IL3RA: variants seen among roughly 807,000 people sequenced by gnomAD.
The protein encoded by IL3RA is interleukin 3 receptor subunit alpha.
A neutral mutation model predicts 52.3 loss-of-function variants in IL3RA; 73 were observed. The observed-to-expected ratio is 1.40, with a 90% CI of 1.16 to 1.70. The LOEUF is 1.70. Among genes scored for constraint, IL3RA ranks in the 40% most tolerant of loss-of-function variants. The probability of loss-of-function intolerance (pLI) is 0.00; values close to 1 mark genes in which losing one functional copy is unlikely to be tolerated. For synonymous variants in IL3RA, 260 were observed against 194.0 expected (o/e 1.34, Z -2.83); for missense variants, 664 against 504.4 (o/e 1.32, Z -3.03).
At chrX:1,363,628 G>A (rs1176241928) in intron 8 of IL3RA, among the ~76,000 whole-genome samples, 1 of 151,200 alleles carries the variant, frequency 6.6e-6, no homozygotes. Context: ...GGAGCTGGGG[G>A]CTAAGACTGC....
At chrX:1,381,887 G>C (rs1202339647) in intron 11 of IL3RA, among the ~76,000 whole-genome samples, 1 of 151,854 alleles carries the variant, frequency 6.6e-6, no homozygotes, top group Non-Finnish European at 1.5e-5. Context: ...CTAAGAGAAA[G>C]GAAGGGCAGA....
At chrX:1,367,248 C>A (rs866002078) in intron 9 of IL3RA, among the ~76,000 whole-genome samples, 7 of 23,118 alleles carry the variant, frequency 3.0e-4, no homozygotes, top group South Asian at 2.1e-3. Flanking sequence ...GCGCGGGGTG[C>A]GCCGGGTGCG....
chrX:1,340,829 A>G (rs1250903906), intron 1 of IL3RA, among the ~76,000 whole-genome samples: 1 of 151,972 alleles, frequency 6.6e-6, no homozygotes, highest in African/African-American at 2.4e-5. Context: ...AAAAATACAA[A>G]AAGTGGGCTG....
At chrX:1,348,295 G>A (rs1470967712) in intron 3 of IL3RA, 136 bp from the exon 4 acceptor site, 12 of 710,544 alleles carry the variant, frequency 1.7e-5, no homozygotes, top group Non-Finnish European at 2.8e-5. Context: ...AGAGGCTGCA[G>A]TGAGCCGAGA....
intron 7 of IL3RA, among the ~76,000 whole-genome samples, chrX:1,356,642 C>T (rs1405962769): frequency 2.6e-5 from 4 of 151,854 alleles, no homozygotes; most frequent in Non-Finnish European, 5.9e-5. Context: ...CGTGGTGGCA[C>T]GGTCTTGTAG....
intron 8 of IL3RA, among the ~76,000 whole-genome samples, chrX:1,361,700 T>C (rs747806156): frequency 3.3e-4 from 47 of 143,230 alleles, no homozygotes; most frequent in South Asian, 6.6e-4. Flanking sequence ...TTGCAGTGAG[T>C]TGAGATCGCG....
chrX:1,361,912 G>A (rs1354942473), intron 8 of IL3RA, among the ~76,000 whole-genome samples: 3 of 151,886 alleles, frequency 2.0e-5, no homozygotes, highest in African/African-American at 4.8e-5. Context: ...CACAACACGT[G>A]GGAGTTATAA....
At chrX:1,380,373 C>G (rs2149225300) in intron 10 of IL3RA, among the ~76,000 whole-genome samples, 1 of 101,436 alleles carries the variant, frequency 9.9e-6, no homozygotes, top group African/African-American at 4.1e-5. Flanking sequence ...CACAATCTGT[C>G]AAATGGGTGC....
chrX:1,363,501 T>C (rs1207191458), intron 8 of IL3RA, among the ~76,000 whole-genome samples: 4 of 150,012 alleles, frequency 2.7e-5, no homozygotes, highest in South Asian at 2.1e-4. Flanking sequence ...GGGGTTTCAC[T>C]GTGGTCTCGA....
At chrX:1,367,617 C>A (rs1351442006) in intron 9 of IL3RA, among the ~76,000 whole-genome samples, 1 of 85,336 alleles carries the variant, frequency 1.2e-5, no homozygotes, top group African/African-American at 5.1e-5. Context: ...GAGCGGGGTG[C>A]GCGGGGTGAG....
rs771697619 is a variant in IL3RA, at chrX:1,352,356, A to T, written c.466A>T (p.Thr156Ser). Residue 156 changes from threonine (T) to serine (S), a missense_variant, in exon 6 of 12, where the codon ACG becomes TCG. Transcript: ENST00000331035. ...ACAGTACGAGTGTCTTCACTACAAA[A>T]CGGATGCTCAGGGAACACGTATCGG... Reference protein sequence around the residue: ...RQQYECLHYKTDAQGTRIGCR... With the variant: ...RQQYECLHYKSDAQGTRIGCR... The T allele has an allele frequency of 3.1e-6, 5 of 1,613,634 alleles. No individual in the cohort carries two copies. In the African/African-American group the frequency reaches 5.3e-5, roughly 17 times the overall value.
intron 2 of IL3RA, among the ~76,000 whole-genome samples, chrX:1,342,650 T>C (rs1201421198): frequency 6.7e-6 from 1 of 149,034 alleles, no homozygotes; most frequent in African/African-American, 2.5e-5. Context: ...AACCTCTACC[T>C]GCTGGGTTCA....
At chrX:1,347,452 CA>C (rs1209233045) in intron 3 of IL3RA, among the ~76,000 whole-genome samples, 3 of 150,406 alleles carry the variant, frequency 2.0e-5, no homozygotes, top group African/African-American at 7.4e-5. Flanking sequence ...CTCAAAAAAA[CA>C]AAAACAAAAG....
chrX:1,368,050 G>C (rs1263975106), intron 9 of IL3RA, among the ~76,000 whole-genome samples: 1 of 152,098 alleles, frequency 6.6e-6, no homozygotes, highest in Non-Finnish European at 1.5e-5. Context: ...ACAAGGTCAG[G>C]AGATCGAGAC....
chrX:1,366,522 G>A (rs866885623), intron 9 of IL3RA, among the ~76,000 whole-genome samples: 1 of 87,568 alleles, frequency 1.1e-5, no homozygotes, highest in East Asian at 4.6e-4. Flanking sequence ...CGCGGGGTGA[G>A]CCCGGTGAGC....
Position 1,356,245 on chromosome X carries a change from C to G in IL3RA, c.641C>G (p.Thr214Ser). 6.2e-7 allele frequency: 1 copy of G among 1,612,670 alleles called. No individual in the cohort carries two copies. Among genetic ancestry groups the G allele is most frequent in the South Asian group, 1.1e-5 (1 of 91,004 alleles). Reference sequence around the variant, plus strand: ...GAGATATTAACTCCACCCAACATGACTGCAAAGTGTAATAAGACACATTCC... The same window carrying G: ...GAGATATTAACTCCACCCAACATGAGTGCAAAGTGTAATAAGACACATTCC... ...QIEILTPPNM[T>S]AKCNKTHSFM... is the part of the protein sequence containing the mutation. Residue 214 changes from threonine (T) to serine (S), a missense_variant, in exon 7 of 12, where the codon ACT (threonine) becomes AGT (serine). Physicochemically the swap from Thr to Ser is moderately conservative, Grantham distance 58 (BLOSUM62 1). Transcript: ENST00000331035.
intron 8 of IL3RA, among the ~76,000 whole-genome samples, chrX:1,360,869 C>A (rs1603446697): frequency 6.6e-6 from 1 of 150,700 alleles, no homozygotes; most frequent in African/African-American, 2.5e-5. Context: ...CTCTCTCTCC[C>A]TTCCCCTCTC....
At chrX:1,368,019 A>G (rs1221273270) in intron 9 of IL3RA, among the ~76,000 whole-genome samples, 1 of 152,060 alleles carries the variant, frequency 6.6e-6, no homozygotes, top group African/African-American at 2.4e-5. Flanking sequence ...GCCTTGTAAT[A>G]AAGACCGAGG....
chrX:1,344,974 A>G (rs1336206087), intron 2 of IL3RA, among the ~76,000 whole-genome samples: 2 of 146,330 alleles, frequency 1.4e-5, no homozygotes, highest in Non-Finnish European at 3.0e-5. Flanking sequence ...CATCCTGGCT[A>G]ACACGGTGAA....
Sources: allele counts gnomAD v4.1 joint callset (sites outside exome capture counted in the v4.1 genomes callset), GRCh38; gene constraint gnomAD v4.1.1; transcripts MANE v1.5; gene names NCBI Gene and HGNC (gene_info 2026-07-23, HGNC 2026-07-21).